Variants in MAF observed in about 807,000 individuals in gnomAD.
MAF encodes transcription factor Maf.
MAF carries 10 observed loss-of-function variants against 22.0 expected under a neutral mutation model. That is an observed-to-expected ratio of 0.45 (90% CI 0.28 to 0.77). MAF has a LOEUF of 0.77. MAF is among the 30% of genes least tolerant of loss of function. The pLI, the probability that MAF is intolerant of heterozygous loss-of-function variation, is 0.12. For missense variants in MAF, 544 were observed against 548.4 expected, an observed-to-expected ratio of 0.99 and a Z score of 0.08; for synonymous variants, 337 against 255.8, an observed-to-expected ratio of 1.32 and a Z score of -3.03.
chr16:79,332,197 C>A, the MAF span, among the ~76,000 whole-genome samples: 1,845 of 152,300 alleles, frequency 0.012, 18 homozygotes, highest in Middle Eastern at 0.02. Flanking sequence ...TTACTAGGCA[C>A]AAAACTGACG....
At chr16:79,319,426 G>A in the MAF span, among the ~76,000 whole-genome samples, 1 of 152,154 alleles carries the variant, frequency 6.6e-6, no homozygotes, top group African/African-American at 2.4e-5. Flanking sequence ...AAAGCAGAAG[G>A]TTGATAAACC....
the MAF span, among the ~76,000 whole-genome samples, chr16:79,308,978 T>C: frequency 6.6e-6 from 1 of 152,216 alleles, no homozygotes; most frequent in Non-Finnish European, 1.5e-5. Flanking sequence ...AAGTTACTTA[T>C]GGATGTAACA....
the MAF span, among the ~76,000 whole-genome samples, chr16:79,234,310 G>T: frequency 2.0e-5 from 3 of 152,006 alleles, no homozygotes; most frequent in African/African-American, 7.2e-5. Context: ...AGACCCCAGA[G>T]ATGTCTGGAA....
the MAF span, among the ~76,000 whole-genome samples, chr16:79,268,732 A>G: frequency 1.3e-5 from 2 of 152,314 alleles, no homozygotes; most frequent in East Asian, 1.9e-4. Flanking sequence ...CCAACTCCAT[A>G]TATCAGTTTC....
the MAF span, among the ~76,000 whole-genome samples, chr16:79,289,836 C>G: frequency 7.5e-6 from 1 of 132,924 alleles, no homozygotes; most frequent in Admixed American, 8.0e-5. Flanking sequence ...GAACAAAAGG[C>G]AGGATGTTTG....
the MAF span, among the ~76,000 whole-genome samples, chr16:79,246,087 T>C: frequency 1.3e-5 from 2 of 152,040 alleles, no homozygotes; most frequent in African/African-American, 4.8e-5. Context: ...GGGATAGCAT[T>C]AGGAGAAATA....
chr16:79,322,712 G>A, the MAF span, among the ~76,000 whole-genome samples: 1 of 152,096 alleles, frequency 6.6e-6, no homozygotes. Context: ...ATCTAGCCGG[G>A]GTCAAGGTGG....
intron 1 of MAF, among the ~76,000 whole-genome samples, chr16:79,587,658 C>T (rs868015933): frequency 3.3e-5 from 5 of 151,960 alleles, no homozygotes; most frequent in Admixed American, 1.3e-4. Context: ...TGCAAAATGC[C>T]CCCTTTGCCT....
the MAF span, among the ~76,000 whole-genome samples, chr16:79,286,707 C>T: frequency 1.3e-5 from 2 of 152,214 alleles, no homozygotes; most frequent in African/African-American, 4.8e-5. Flanking sequence ...TCCCACGCAT[C>T]TTTAACAGGT....
downstream of MAF, among the ~76,000 whole-genome samples, chr16:79,592,920 C>A (rs1344727302): frequency 6.6e-6 from 1 of 152,162 alleles, no homozygotes; most frequent in Non-Finnish European, 1.5e-5. Context: ...AATCTCACTT[C>A]CTATTCCCTC....
At chr16:79,369,350 G>T in the MAF span, among the ~76,000 whole-genome samples, 1 of 152,170 alleles carries the variant, frequency 6.6e-6, no homozygotes, top group Non-Finnish European at 1.5e-5. Context: ...TGATTCTTGG[G>T]AGTCAGCTTC....
the MAF span, among the ~76,000 whole-genome samples, chr16:79,404,141 A>G: frequency 1.3e-5 from 2 of 149,060 alleles, no homozygotes; most frequent in Non-Finnish European, 3.0e-5. Context: ...AGCCCTTAAC[A>G]TGCATTTTAC....
the MAF span, among the ~76,000 whole-genome samples, chr16:79,322,609 G>A: frequency 6.6e-6 from 1 of 152,100 alleles, no homozygotes; most frequent in Non-Finnish European, 1.5e-5. Context: ...TTTTCTAGAG[G>A]ACACAGACAA....
At chr16:79,501,728 T>C in the MAF span, among the ~76,000 whole-genome samples, 3 of 152,142 alleles carry the variant, frequency 2.0e-5, no homozygotes, top group Non-Finnish European at 4.4e-5. Flanking sequence ...ACGGCATTCT[T>C]CCCCCTCACC....
chr16:79,566,107 T>C, the MAF span, among the ~76,000 whole-genome samples: 1 of 152,178 alleles, frequency 6.6e-6, no homozygotes, highest in Non-Finnish European at 1.5e-5. Flanking sequence ...AACTCACAGG[T>C]AATTCTGATC....
At chr16:79,398,496 G>A in the MAF span, among the ~76,000 whole-genome samples, 1 of 152,178 alleles carries the variant, frequency 6.6e-6, no homozygotes, top group Non-Finnish European at 1.5e-5. Flanking sequence ...GAAGAGGAAT[G>A]AGAAGATGGA....
chr16:79,472,294 G>A, the MAF span, among the ~76,000 whole-genome samples: 17 of 152,208 alleles, frequency 1.1e-4, no homozygotes, highest in African/African-American at 2.9e-4. Flanking sequence ...ATGAAGATTC[G>A]TGTCTACATA....
chr16:79,344,876 T>C, the MAF span, among the ~76,000 whole-genome samples: 1 of 152,204 alleles, frequency 6.6e-6, no homozygotes, highest in Non-Finnish European at 1.5e-5. Flanking sequence ...TTGTTACATT[T>C]AGAGAGGCAA....
the MAF span, among the ~76,000 whole-genome samples, chr16:79,447,905 A>AAAAAAGAAAG: frequency 2.3e-5 from 2 of 85,808 alleles, no homozygotes; most frequent in African/African-American, 9.2e-5. Context: ...AAAAAAAAAA[A>AAAAAAGAAAG]AAAAGAAAAG....
Sources: allele counts gnomAD v4.1 joint callset (sites outside exome capture counted in the v4.1 genomes callset), GRCh38; gene constraint gnomAD v4.1.1; transcripts MANE v1.5; gene names NCBI Gene and HGNC (gene_info 2026-07-23, HGNC 2026-07-21).